DDR2: variants seen among roughly 807,000 people sequenced by gnomAD.
DDR2 encodes discoidin domain-containing receptor 2.
DDR2 carries 27 observed loss-of-function variants against 94.9 expected under a neutral mutation model. The observed-to-expected ratio is 0.28, with a 90% CI of 0.21 to 0.39. DDR2 has a LOEUF of 0.39. DDR2 is among the 10% of genes least tolerant of loss of function. DDR2 has a pLI of 1.00. For synonymous variants in DDR2, 382 were observed against 377.2 expected (o/e 1.01, Z -0.15); for missense variants, 783 against 1,076.0 (o/e 0.73, Z 3.81).
In DDR2 at chr1:162,767,283, T is replaced by C; in HGVS notation, c.1217T>C (p.Val406Ala). 6.2e-7 allele frequency: 1 copy of C among 1,614,142 alleles called. No individual in the cohort carries two copies. The highest frequency in any genetic ancestry group is 8.5e-7 in the Non-Finnish European group (1 of 1,180,006). ...ACTCGGATCCTGATTGGCTGCTTGGTGGCCATCATCTTTATCCTCCTGGCC... is the reference window on the plus strand; with the variant it reads ...ACTCGGATCCTGATTGGCTGCTTGGCGGCCATCATCTTTATCCTCCTGGCC... ...SNTRILIGCL[V>A]AIIFILLAII... Residue 406 changes from valine to alanine, a missense_variant, in exon 11 of 18, where the codon GTG (valine) becomes GCG (alanine). Val to Ala is a moderately conservative substitution (Grantham distance 64). Transcript: ENST00000367921.
intron 9 of DDR2, among the ~76,000 whole-genome samples, chr1:162,765,033 C>A (rs2102166881): frequency 6.6e-6 from 1 of 152,194 alleles, no homozygotes; most frequent in South Asian, 2.1e-4. Context: ...TTGATTGTTT[C>A]ATCTGAATAC....
rs73018595 is a variant in DDR2 at position 162,668,120 on chromosome 1, G to C, written c.-28+12746G>C. On this transcript the variant is annotated intron_variant, in intron 2 of 17. Coordinates refer to ENST00000367921, the MANE Select transcript of DDR2 (RefSeq NM_006182.4). ...ACTTTAAGGGGATGCCAAAAACTCA[G>C]CTATCAAGATAAATAAAATTTTAAT... Among the ~76,000 whole-genome samples, 1,258 of 152,224 alleles carry C rather than the reference G, an allele frequency of 8.3e-3. 25 individuals are homozygous for C. Among genetic ancestry groups the C allele is most frequent in the African/African-American group, 0.028 (1,167 of 41,532 alleles).
chr1:162,638,500 A>G (rs969657678), intron 1 of DDR2, among the ~76,000 whole-genome samples: 1 of 152,206 alleles, frequency 6.6e-6, no homozygotes, highest in Non-Finnish European at 1.5e-5. Context: ...TGGCAATTTT[A>G]AAGTACAGTC....
chr1:162,696,871 T>C (rs1370930209), intron 2 of DDR2, among the ~76,000 whole-genome samples: 1 of 152,146 alleles, frequency 6.6e-6, no homozygotes, highest in African/African-American at 2.4e-5. Flanking sequence ...ACTGTGCTAA[T>C]CCTCTGTTTG....
At chr1:162,676,835 G>A (rs537741663) in intron 2 of DDR2, among the ~76,000 whole-genome samples, 4 of 152,348 alleles carry the variant, frequency 2.6e-5, no homozygotes, top group African/African-American at 7.2e-5. Flanking sequence ...CAGCTAGAAA[G>A]TAGAGAGCTG....
Position 162,729,300 on chromosome 1 carries a change from ATTT to A in DDR2, c.82+10173_82+10175del, listed in dbSNP as rs869269032. Among the ~76,000 whole-genome samples, 381 of 93,968 alleles carry A rather than the reference ATTT, an allele frequency of 4.1e-3. 3 individuals carry two copies. Among genetic ancestry groups the A allele is most frequent in the Admixed American group, 9.3e-3 (64 of 6,916 alleles). The allele number at this position is 93,968 out of a possible 152,430, so 61.6% of individuals were successfully genotyped here. A position where few individuals can be genotyped will look rare whatever the true frequency, so the allele number is the denominator to read the frequency against. ...TCCATTTATATATATATATATATAT[ATTT>A]TTTTTTTTTTTTTTTTTCCTTGGGA... On this transcript the variant is annotated intron_variant, in intron 3 of 17. Coordinates refer to ENST00000367921, the MANE Select transcript of DDR2 (RefSeq NM_006182.4).
chr1:162,729,300 A>ATATATTT (rs1416872679), intron 3 of DDR2, among the ~76,000 whole-genome samples: 1 of 94,016 alleles, frequency 1.1e-5, no homozygotes, highest in African/African-American at 5.3e-5. Context: ...ATATATATAT[A>ATATATTT]TTTTTTTTTT....
chr1:162,702,601 A>G (rs1248229580), intron 2 of DDR2, among the ~76,000 whole-genome samples: 1 of 152,174 alleles, frequency 6.6e-6, no homozygotes, highest in Admixed American at 6.6e-5. Context: ...ATGTCACCCT[A>G]TTTCAACCTC....
In DDR2 at chr1:162,710,485, C is replaced by T. The variant is rs146540582; in HGVS notation, c.-27-8552C>T. 7.9e-5 allele frequency among the ~76,000 whole-genome samples: 12 copies of T among 152,286 alleles called. No homozygotes were observed. The East Asian group carries it at 1.9e-3, about 25-fold the overall frequency. The stretch of plus-strand genomic sequence containing the variant: ...CATGAGATGAGAATGTTTGGGACAG[C>T]TCTGCTGTTTGTTTCTGTGTATGTG... On this transcript the variant is annotated intron_variant, in intron 2 of 17. Coordinates refer to ENST00000367921, the MANE Select transcript of DDR2 (RefSeq NM_006182.4).
chr1:162,724,997 G>A (rs931647040), intron 3 of DDR2, among the ~76,000 whole-genome samples: 1 of 152,116 alleles, frequency 6.6e-6, no homozygotes, highest in African/African-American at 2.4e-5. Flanking sequence ...CTTTCTCTGG[G>A]TAAAACAGAA....
At chr1:162,695,349 A>C (rs1660138611) in intron 2 of DDR2, among the ~76,000 whole-genome samples, 1 of 152,136 alleles carries the variant, frequency 6.6e-6, no homozygotes, top group Non-Finnish European at 1.5e-5. Context: ...CTTGTGTCTC[A>C]GGCACCGAAG....
intron 2 of DDR2, among the ~76,000 whole-genome samples, chr1:162,683,859 TG>T (rs1571193979): frequency 2.0e-5 from 3 of 152,162 alleles, no homozygotes; most frequent in East Asian, 1.9e-4. Context: ...TCAGCAACGT[TG>T]TTTTTTTTAA....
chr1:162,707,126 G>A (rs1660698950), intron 2 of DDR2, among the ~76,000 whole-genome samples: 1 of 152,114 alleles, frequency 6.6e-6, no homozygotes, highest in Non-Finnish European at 1.5e-5. Flanking sequence ...CCTAGGTATG[G>A]GGCTAGAGAG....
At chr1:162,739,846 G>T (rs1007110003) in intron 3 of DDR2, among the ~76,000 whole-genome samples, 1 of 151,958 alleles carries the variant, frequency 6.6e-6, no homozygotes, top group Non-Finnish European at 1.5e-5. Context: ...TGGGATATGG[G>T]AATATTTTTA....
intron 3 of DDR2, among the ~76,000 whole-genome samples, chr1:162,741,408 CA>C: frequency 6.7e-6 from 1 of 149,650 alleles, no homozygotes; most frequent in Non-Finnish European, 1.5e-5. Flanking sequence ...TGCTGGTGTT[CA>C]AAAAGCATCA....
At chr1:162,779,861 A>G (rs1397668283) in intron 17 of DDR2, among the ~76,000 whole-genome samples, 1 of 152,220 alleles carries the variant, frequency 6.6e-6, no homozygotes, top group African/African-American at 2.4e-5. Flanking sequence ...TAGGGACCAC[A>G]TAATGGCCCA....
Position 162,754,783 on chromosome 1 carries a change from C to T in DDR2, c.345C>T (p.Ala115=), listed in dbSNP as rs1663376290. The part of the protein sequence containing the change: ...RHAGGHGIEF[A]PMYKINYSRD... ...CAGGAGGTCATGGCATCGAGTTTGC[C>T]CCCATGTACAAGATCAATTACAGTC... Residue 115 remains alanine (A), a synonymous_variant, in exon 5 of 18, where the codon GCC becomes GCT. Transcript: ENST00000367921. 5.6e-6 allele frequency: 9 copies of T among 1,614,058 alleles called. No individual in the cohort carries two copies. The highest frequency in any genetic ancestry group is 7.6e-6 in the Non-Finnish European group (9 of 1,180,002).
chr1:162,735,115 G>T (rs78031742), intron 3 of DDR2, among the ~76,000 whole-genome samples: 3,026 of 152,180 alleles, frequency 0.02, 79 homozygotes, highest in African/African-American at 0.059. Flanking sequence ...CTTGACTGCC[G>T]CCTGTTGAGA....
intron 1 of DDR2, among the ~76,000 whole-genome samples, chr1:162,640,305 G>A (rs1657065207): frequency 6.6e-6 from 1 of 152,156 alleles, no homozygotes; most frequent in African/African-American, 2.4e-5. Context: ...CTCCCAACGT[G>A]CTGGGATTGC....
Sources: allele counts gnomAD v4.1 joint callset (sites outside exome capture counted in the v4.1 genomes callset), GRCh38; gene constraint gnomAD v4.1.1; transcripts MANE v1.5; gene names NCBI Gene and HGNC (gene_info 2026-07-23, HGNC 2026-07-21).